JAM3: variants seen among roughly 807,000 people sequenced by gnomAD.
JAM3 encodes junctional adhesion molecule 3.
Under a neutral mutation model 39.4 loss-of-function variants are expected in JAM3, and 31 were observed. The ratio of observed to expected loss-of-function variants is 0.79; its 90% confidence interval spans 0.59 to 1.06. JAM3 has a LOEUF of 1.06. Ranked by LOEUF, JAM3 falls within the 50% of genes least tolerant of loss-of-function variation. JAM3 has a pLI of 0.00. For synonymous variants in JAM3, 182 were observed against 148.7 expected (o/e 1.22, Z -1.63); for missense variants, 455 against 391.4 (o/e 1.16, Z -1.37).
At chr11:134,117,966 AT>A (rs1287164402) in intron 1 of JAM3, among the ~76,000 whole-genome samples, 1 of 152,106 alleles carries the variant, frequency 6.6e-6, no homozygotes, top group African/African-American at 2.4e-5. Flanking sequence ...ACTTTGAATT[AT>A]TTTTTTGTAG....
intron 1 of JAM3, among the ~76,000 whole-genome samples, chr11:134,088,197 A>G (rs1390128707): frequency 6.6e-6 from 1 of 152,196 alleles, no homozygotes; most frequent in Non-Finnish European, 1.5e-5. Context: ...TTAAATTCAC[A>G]GTTTCATTCC....
intron 1 of JAM3, among the ~76,000 whole-genome samples, chr11:134,070,864 G>A (rs1219899941): frequency 1.3e-5 from 2 of 152,154 alleles, no homozygotes; most frequent in African/African-American, 2.4e-5. Flanking sequence ...TTTTTTGCTG[G>A]TAGGGGCTGG....
chr11:134,149,411 G>T lies in JAM3; in HGVS notation c.*230G>T. On this transcript the variant is annotated 3_prime_UTR_variant, in exon 9 of 9. Coordinates refer to ENST00000299106, the MANE Select transcript of JAM3 (RefSeq NM_032801.5). ...AATATAACCACAAGGAAGCGAAACTGGGTGCGTTCACTGAGTTGGGTTCCT... is the reference window on the plus strand; with the variant it reads ...AATATAACCACAAGGAAGCGAAACTTGGTGCGTTCACTGAGTTGGGTTCCT... 1.6e-6 allele frequency: 1 copy of T among 616,832 alleles called. No individual in the cohort carries two copies. Among genetic ancestry groups the T allele is most frequent in the Non-Finnish European group, 2.9e-6 (1 of 345,258 alleles). The allele number at this position is 616,832 out of a possible 1,614,324, so 38.2% of individuals were successfully genotyped here.
intron 1 of JAM3, among the ~76,000 whole-genome samples, chr11:134,089,822 C>T (rs571727722): frequency 6.6e-6 from 1 of 152,142 alleles, no homozygotes; most frequent in African/African-American, 2.4e-5. Context: ...GGGTATATAC[C>T]CAGTAATGGG....
At chr11:134,146,113 T>A in intron 6 of JAM3, 68 bp downstream of exon 6, 1 of 1,097,836 alleles carries the variant, frequency 9.1e-7, no homozygotes, top group Non-Finnish European at 1.4e-6. Flanking sequence ...TAATTTAATA[T>A]TATACCATCA....
chr11:134,131,137 T>C (rs1591800534), intron 1 of JAM3, among the ~76,000 whole-genome samples: 1 of 148,200 alleles, frequency 6.7e-6, no homozygotes, highest in Admixed American at 7.0e-5. Flanking sequence ...CCCAGGCTGA[T>C]CTCTAGATTC....
intron 1 of JAM3, chr11:134,123,987 A>C (rs1942588936): frequency 6.6e-7 from 1 of 1,516,046 alleles, no homozygotes; most frequent in Non-Finnish European, 9.1e-7. Context: ...AATCAAAGCA[A>C]GTGCAACCAG....
At chr11:134,097,690 A>ATTGC (rs1790111182) in intron 1 of JAM3, among the ~76,000 whole-genome samples, 2 of 152,198 alleles carry the variant, frequency 1.3e-5, no homozygotes, top group South Asian at 4.1e-4. Context: ...TAAACTAACA[A>ATTGC]TTGCTGTATT....
At chr11:134,114,094 C>T (rs1299989463) in intron 1 of JAM3, among the ~76,000 whole-genome samples, 2 of 152,072 alleles carry the variant, frequency 1.3e-5, no homozygotes, top group Admixed American at 6.5e-5. Flanking sequence ...TGGATATTAG[C>T]CCTTTGTCAG....
chr11:134,116,954 A>T (rs543097345), intron 1 of JAM3, among the ~76,000 whole-genome samples: 92 of 152,156 alleles, frequency 6.0e-4, no homozygotes, highest in African/African-American at 2.0e-3. Context: ...CCTACAACGT[A>T]TTTATAGTTA....
intron 1 of JAM3, among the ~76,000 whole-genome samples, chr11:134,079,061 C>T (rs77868006): frequency 0.01 from 1,555 of 152,102 alleles, 22 homozygotes; most frequent in African/African-American, 0.035. Context: ...GAATTATGAA[C>T]TTAAATATTT....
intron 1 of JAM3, among the ~76,000 whole-genome samples, chr11:134,111,922 C>T (rs192009547): frequency 2.0e-5 from 3 of 152,294 alleles, no homozygotes; most frequent in Admixed American, 2.0e-4. Context: ...CCAAACACCT[C>T]AGCGATCTGA....
chr11:134,094,624 A>G (rs470756), intron 1 of JAM3, among the ~76,000 whole-genome samples: 3 of 55,564 alleles, frequency 5.4e-5, no homozygotes, highest in African/African-American at 1.4e-4. Context: ...CTTCTCCTGA[A>G]CCCTCCTTAT....
intron 1 of JAM3, among the ~76,000 whole-genome samples, chr11:134,114,532 C>T (rs1166297887): frequency 1.3e-5 from 2 of 152,154 alleles, no homozygotes; most frequent in Admixed American, 1.3e-4. Context: ...TGTTGTGTTC[C>T]ATTGGTCTCT....
chr11:134,087,928 G>C (rs1295361439), intron 1 of JAM3, among the ~76,000 whole-genome samples: 2 of 152,270 alleles, frequency 1.3e-5, no homozygotes, highest in East Asian at 3.9e-4. Context: ...AGGATGTTTA[G>C]TAACATCTCT....
At chr11:134,120,214 G>A (rs1323862097) in intron 1 of JAM3, among the ~76,000 whole-genome samples, 1 of 152,246 alleles carries the variant, frequency 6.6e-6, no homozygotes, top group Non-Finnish European at 1.5e-5. Context: ...TTCTCCACTA[G>A]AAAGCCTGCG....
chr11:134,070,243 A>G (rs1023234656), intron 1 of JAM3: 5 of 456,168 alleles, frequency 1.1e-5, no homozygotes, highest in African/African-American at 6.0e-5. Context: ...TACCTAAAGC[A>G]GGACACCACA....
rs759996676 is a variant in JAM3, at chr11:134,069,120, G to C, written c.37G>C (p.Ala13Pro). The change falls in exon 1 of 9, where the codon GCT becomes CCT. Residue 13 changes from alanine (A) to proline (P), a missense_variant. Transcript: ENST00000299106. ...GCGGCCACCGCGACTCCGGCTCTGCGCTCGGCTGCCTGACTTCTTCCTGCT... is the reference window on the plus strand; with the variant it reads ...GCGGCCACCGCGACTCCGGCTCTGCCCTCGGCTGCCTGACTTCTTCCTGCT... ...LRRPPRLRLC[A>P]RLPDFFLLLL... 2.9e-5 allele frequency: 47 copies of C among 1,612,532 alleles called. No individual in the cohort carries two copies. Among genetic ancestry groups the C allele is most frequent in the African/African-American group, 6.7e-5 (5 of 74,810 alleles).
At chr11:134,109,834 T>A (rs956730496) in intron 1 of JAM3, among the ~76,000 whole-genome samples, 3 of 152,140 alleles carry the variant, frequency 2.0e-5, no homozygotes, top group African/African-American at 7.2e-5. Context: ...GAACATGGAG[T>A]AGCTACCTGG....
Sources: allele counts gnomAD v4.1 joint callset (sites outside exome capture counted in the v4.1 genomes callset), GRCh38; gene constraint gnomAD v4.1.1; transcripts MANE v1.5; gene names NCBI Gene and HGNC (gene_info 2026-07-23, HGNC 2026-07-21).